NLGN1: variants seen among roughly 807,000 people sequenced by gnomAD.
The protein encoded by NLGN1 is neuroligin-1.
NLGN1 carries 12 observed loss-of-function variants against 65.5 expected under a neutral mutation model. The observed-to-expected ratio is 0.18, with a 90% CI of 0.12 to 0.30. The LOEUF (loss-of-function observed/expected upper bound fraction) is 0.30, where lower values mean the gene tolerates loss of function less well. Among genes scored for constraint, NLGN1 ranks in the 10% least tolerant of loss-of-function variants. NLGN1 has a pLI of 1.00. For synonymous variants in NLGN1, 350 were observed against 359.5 expected, an observed-to-expected ratio of 0.97 and a Z score of 0.30; for missense variants, 750 against 1,007.1, an observed-to-expected ratio of 0.74 and a Z score of 3.46.
chr3:173,857,317 C>T lies in NLGN1; in HGVS notation c.646+49485C>T, dbSNP rs530609666. On this transcript the variant is annotated intron_variant, in intron 4 of 6. Transcript: ENST00000457714. ...ACTTGCACACCACTTGTGTTCAAAC[C>T]CTGAAAGACTAGACTACCTGAAATT... is the stretch of plus-strand genomic sequence containing the variant. 6.6e-5 allele frequency among the ~76,000 whole-genome samples: 10 copies of T among 152,140 alleles called. No homozygotes were observed. The South Asian group carries it at 2.1e-3, about 32-fold the overall frequency.
intron 4 of NLGN1, among the ~76,000 whole-genome samples, chr3:173,950,435 G>A (rs1231576488): frequency 6.6e-6 from 1 of 152,166 alleles, no homozygotes; most frequent in African/African-American, 2.4e-5. Flanking sequence ...TACTTTCAAT[G>A]GCAAGCGCTG....
intron 4 of NLGN1, among the ~76,000 whole-genome samples, chr3:173,995,862 T>A (rs1420215752): frequency 1.3e-5 from 2 of 151,944 alleles, no homozygotes; most frequent in African/African-American, 4.8e-5. Context: ...ATTTTTAAAT[T>A]TTTTGTAGAG....
intron 4 of NLGN1, among the ~76,000 whole-genome samples, chr3:173,830,437 T>A (rs1490106413): frequency 6.6e-6 from 1 of 152,212 alleles, no homozygotes; most frequent in African/African-American, 2.4e-5. Flanking sequence ...AAGTTATTTA[T>A]GAAATGGGCC....
At chr3:173,481,343 A>C (rs1254605119) in intron 2 of NLGN1, among the ~76,000 whole-genome samples, 1 of 152,052 alleles carries the variant, frequency 6.6e-6, no homozygotes, top group Non-Finnish European at 1.5e-5. Flanking sequence ...ATTGAAAGGA[A>C]ACTAAATATT....
At chr3:174,172,929 A>G (rs148469729) in intron 4 of NLGN1, among the ~76,000 whole-genome samples, 1,715 of 152,018 alleles carry the variant, frequency 0.011, 21 homozygotes, top group Non-Finnish European at 0.017. Context: ...TTTGATAACA[A>G]TTTTTCTTCC....
At chr3:174,053,766 T>C (rs1580019110) in intron 4 of NLGN1, among the ~76,000 whole-genome samples, 2 of 152,080 alleles carry the variant, frequency 1.3e-5, no homozygotes, top group Non-Finnish European at 2.9e-5. Flanking sequence ...AATTCATCCA[T>C]TTCATTTGCT....
intron 4 of NLGN1, among the ~76,000 whole-genome samples, chr3:173,986,866 A>T (rs1159648303): frequency 1.3e-5 from 2 of 152,316 alleles, no homozygotes; most frequent in South Asian, 4.1e-4. Flanking sequence ...CACTTTATTT[A>T]GTTCTTGTGC....
intron 4 of NLGN1, among the ~76,000 whole-genome samples, chr3:174,219,657 C>T (rs1225742592): frequency 6.6e-6 from 1 of 152,138 alleles, no homozygotes; most frequent in Non-Finnish European, 1.5e-5. Flanking sequence ...GACAGATAAT[C>T]AGTTCCTTGA....
chr3:174,171,437 C>T (rs921634278), intron 4 of NLGN1, among the ~76,000 whole-genome samples: 7 of 151,924 alleles, frequency 4.6e-5, no homozygotes, highest in African/African-American at 1.2e-4. Context: ...AGGATTTGCT[C>T]GTTAAAAATA....
downstream of NLGN1, among the ~76,000 whole-genome samples, chr3:174,289,509 A>G (rs1752485051): frequency 1.3e-5 from 2 of 151,306 alleles, no homozygotes. Flanking sequence ...GCCTGACATC[A>G]TAGTCATCTT....
At position 173,924,215 on chromosome 3, in the gene NLGN1, T is replaced by C. The variant is rs578189031; in HGVS notation, c.646+116383T>C. Among the ~76,000 whole-genome samples the C allele has an allele frequency of 3.9e-5, 6 of 152,228 alleles. No individual in the cohort carries two copies. The East Asian group carries it at 1.2e-3, about 29-fold the overall frequency. ...TAATTTTACAAAAACCTGAAAGAGA[T>C]ATATTAACAATTTTGCCATCACAGG... On this transcript the variant is annotated intron_variant, in intron 4 of 6. Coordinates refer to ENST00000457714, the Ensembl canonical transcript of NLGN1.
chr3:173,993,764 G>C (rs989288470), intron 4 of NLGN1, among the ~76,000 whole-genome samples: 14 of 151,656 alleles, frequency 9.2e-5, no homozygotes, highest in African/African-American at 3.4e-4. Context: ...CATATATATA[G>C]TGTGTGTATA....
intron 4 of NLGN1, among the ~76,000 whole-genome samples, chr3:173,977,247 A>G (rs1425171151): frequency 2.6e-5 from 4 of 152,016 alleles, no homozygotes; most frequent in Non-Finnish European, 5.9e-5. Context: ...CTCTGAGAAA[A>G]TAACTTTCAG....
intron 3 of NLGN1, among the ~76,000 whole-genome samples, 159 bp from the exon 3 acceptor site, chr3:173,605,375 G>A (rs1042813939): frequency 6.6e-6 from 1 of 152,054 alleles, no homozygotes; most frequent in East Asian, 1.9e-4. Flanking sequence ...CTGAGAAGAT[G>A]CATCAACATT....
intron 4 of NLGN1, among the ~76,000 whole-genome samples, chr3:174,165,888 G>T (rs1727395099): frequency 6.6e-6 from 1 of 151,856 alleles, no homozygotes; most frequent in Non-Finnish European, 1.5e-5. Flanking sequence ...GCTCAATATT[G>T]GTCTGTTCAG....
At chr3:173,504,223 A>AG (rs1290291672) in intron 2 of NLGN1, among the ~76,000 whole-genome samples, 1 of 152,046 alleles carries the variant, frequency 6.6e-6, no homozygotes, top group Non-Finnish European at 1.5e-5. Flanking sequence ...TGCAGGCTAT[A>AG]GGTAATGCTG....
rs78152374 is a variant in NLGN1, at chr3:173,830,917, A to G, written c.646+23085A>G. ...GTTCCACATGAGATTGAAGTTCAGG[A>G]TTTTCAAGGAGACTAACACAGAGTA... On this transcript the variant is annotated intron_variant, in intron 4 of 6. Transcript: ENST00000457714. Among the ~76,000 whole-genome samples, 959 of 152,294 alleles carry G rather than the reference A, an allele frequency of 6.3e-3. 10 individuals are homozygous for G. The highest frequency in any genetic ancestry group is 0.022 in the African/African-American group (920 of 41,564).
chr3:174,199,796 T>G (rs1185708428), intron 4 of NLGN1, among the ~76,000 whole-genome samples: 1 of 152,186 alleles, frequency 6.6e-6, no homozygotes, highest in Non-Finnish European at 1.5e-5. Context: ...TCTACAAGAT[T>G]TTCAAACATC....
intron 4 of NLGN1, among the ~76,000 whole-genome samples, chr3:174,194,460 GAAAAA>G (rs1732990987): frequency 1.3e-5 from 2 of 149,158 alleles, no homozygotes; most frequent in Non-Finnish European, 3.0e-5. Context: ...AAAAAAAAAA[GAAAAA>G]GAAAAAAAAG....
Sources: allele counts gnomAD v4.1 joint callset (sites outside exome capture counted in the v4.1 genomes callset), GRCh38; gene constraint gnomAD v4.1.1; transcripts MANE v1.5; gene names NCBI Gene and HGNC (gene_info 2026-07-23, HGNC 2026-07-21).